Variants in HSDL1 observed in about 807,000 individuals in gnomAD.
HSDL1 encodes inactive hydroxysteroid dehydrogenase-like protein 1.
Under a neutral mutation model 31.5 loss-of-function variants are expected in HSDL1, and 29 were observed. That is an observed-to-expected ratio of 0.92 (90% CI 0.69 to 1.26). The LOEUF is 1.26. Ranked by LOEUF, HSDL1 falls within the 50% of genes most tolerant of loss-of-function variation. The pLI, the probability that HSDL1 is intolerant of heterozygous loss-of-function variation, is 0.00. For synonymous variants in HSDL1, 222 were observed against 155.2 expected (o/e 1.43, Z -3.20); for missense variants, 503 against 416.6 (o/e 1.21, Z -1.81).
intron 1 of HSDL1, among the ~76,000 whole-genome samples, chr16:84,141,046 G>A (rs374922662): frequency 3.1e-3 from 456 of 149,378 alleles, no homozygotes; most frequent in African/African-American, 0.011. Flanking sequence ...AGCGGAGATC[G>A]CGCCACAGCA....
chr16:84,140,367 C>T (rs1159361353), intron 1 of HSDL1, among the ~76,000 whole-genome samples: 1 of 152,100 alleles, frequency 6.6e-6, no homozygotes, highest in Non-Finnish European at 1.5e-5. Flanking sequence ...TGGGTTCAAG[C>T]GTTTCTCCTG....
intron 2 of HSDL1, among the ~76,000 whole-genome samples, chr16:84,131,586 C>A (rs1393570716): frequency 6.6e-6 from 1 of 152,174 alleles, no homozygotes. Flanking sequence ...GCGATTTTGG[C>A]TCACTGCAAC....
intron 1 of HSDL1, among the ~76,000 whole-genome samples, chr16:84,141,572 C>T (rs1039276613): frequency 2.6e-5 from 4 of 152,350 alleles, no homozygotes; most frequent in African/African-American, 9.6e-5. Context: ...ACATGCATTC[C>T]ACTGCCAAAT....
Position 84,129,650 on chromosome 16 carries a change from C to T in HSDL1, c.792G>A (p.Arg264=). The T allele has an allele frequency of 6.2e-7, 1 of 1,614,172 alleles. No homozygotes were observed. Among genetic ancestry groups the T allele is most frequent in the Non-Finnish European group, 8.5e-7 (1 of 1,180,040 alleles). Residue 264 remains arginine, a synonymous_variant, in exon 5 of 6, where the codon AGG becomes AGA. Coordinates refer to ENST00000219439, the MANE Select transcript of HSDL1 (RefSeq NM_031463.5). ...SMTAPSNFLH[R]CSWLVPSPKV... is the part of the protein sequence containing the mutation. ...TTGGCGAAGGCACCAACCACGAGCA[C>T]CTGTGCAGAAAGTTGCTGGGTGCTG...
chr16:84,124,525 A>G lies in HSDL1; in HGVS notation c.*105T>C. 1.3e-6 allele frequency: 1 copy of G among 741,168 alleles called. No individual in the cohort carries two copies. The highest frequency in any genetic ancestry group is 1.5e-5 in the South Asian group (1 of 65,724). 45.9% of individuals were successfully genotyped at this position (741,168 alleles called of 1,614,324 possible). Reference sequence around the variant, plus strand: ...AAATGACGAATCAACAGTATGCTGAATAATCAGCAATGAAACACAGGAGAT... The same window carrying G: ...AAATGACGAATCAACAGTATGCTGAGTAATCAGCAATGAAACACAGGAGAT... On this transcript the variant is annotated 3_prime_UTR_variant, in exon 6 of 6. Transcript: ENST00000219439.
At chr16:84,142,474 C>G (rs924568534) in intron 1 of HSDL1, among the ~76,000 whole-genome samples, 23 of 106,186 alleles carry the variant, frequency 2.2e-4, no homozygotes, top group African/African-American at 6.6e-4. Flanking sequence ...CTCACTCTGT[C>G]ACCCAGGCTG....
intron 2 of HSDL1, among the ~76,000 whole-genome samples, chr16:84,132,569 T>C (rs1487120435): frequency 6.6e-6 from 1 of 152,208 alleles, no homozygotes; most frequent in Non-Finnish European, 1.5e-5. Context: ...ACTAAGCACC[T>C]ACTATGTTCT....
chr16:84,131,418 C>T, intron 2 of HSDL1, 91 bp from the exon 3 acceptor site: 2 of 850,658 alleles, frequency 2.4e-6, no homozygotes, highest in South Asian at 2.9e-5. Flanking sequence ...CTGAGGGCAT[C>T]AGATCTTGTC....
intron 1 of HSDL1, among the ~76,000 whole-genome samples, chr16:84,136,225 C>CT: frequency 6.6e-6 from 1 of 152,180 alleles, no homozygotes; most frequent in Non-Finnish European, 1.5e-5. Flanking sequence ...GGAAGGCGTC[C>CT]TACAGTGTTT....
intron 5 of HSDL1, among the ~76,000 whole-genome samples, chr16:84,128,907 C>T (rs532720346): frequency 1.3e-5 from 2 of 152,046 alleles, no homozygotes; most frequent in Non-Finnish European, 2.9e-5. Flanking sequence ...AGGGTTTCAC[C>T]ATATTGGCCA....
rs745934319 is a variant in HSDL1 at position 84,129,938 on chromosome 16, A to C, written c.666+48T>G. The stretch of plus-strand genomic sequence containing the variant: ...AAATCAGACCAAACAACTGTTAATA[A>C]ATGTTCTGTGGCATTAGGATTTCAT... On this transcript the variant is annotated intron_variant, in intron 4 of 5. Coordinates refer to ENST00000219439, the MANE Select transcript of HSDL1 (RefSeq NM_031463.5). The C allele has an allele frequency of 1.2e-5, 19 of 1,564,556 alleles. No individual in the cohort carries two copies. The African/African-American group carries it at 1.6e-4, about 13-fold the overall frequency.
intron 1 of HSDL1, chr16:84,139,128 ACAAT>A (rs2086740811): frequency 6.6e-6 from 1 of 152,336 alleles, no homozygotes; most frequent in Non-Finnish European, 1.5e-5. Flanking sequence ...GGAAAAAAAG[ACAAT>A]CAAAGCATTA....
At chr16:84,130,574 C>T in intron 3 of HSDL1, 143 bp from the exon 4 acceptor site, 1 of 663,950 alleles carries the variant, frequency 1.5e-6, no homozygotes, top group Non-Finnish European at 2.6e-6. Flanking sequence ...AAGTCAAGGA[C>T]ACTGTTGCTG....
Position 84,130,015 on chromosome 16 carries a change from G to A in HSDL1, c.637C>T (p.Pro213Ser), listed in dbSNP as rs140957161. ...ISSGSCCKPT[P>S]QLAAFSASKA... ...GAAGCAGAAAATGCAGCCAGCTGAG[G>A]AGTGGGTTTGCAGCAGGAGCCAGAA... Residue 213 changes from proline (P) to serine (S), a missense_variant, in exon 4 of 6, where the codon CCT (proline) becomes TCT (serine). Transcript: ENST00000219439. 1 of 1,614,050 alleles carries A rather than the reference G, an allele frequency of 6.2e-7. No individual in the cohort carries two copies. Among genetic ancestry groups the A allele is most frequent in the Non-Finnish European group, 8.5e-7 (1 of 1,179,934 alleles).
chr16:84,126,576 A>T (rs889287667), intron 5 of HSDL1, among the ~76,000 whole-genome samples: 1 of 152,234 alleles, frequency 6.6e-6, no homozygotes, highest in African/African-American at 2.4e-5. Context: ...GAACCGAATG[A>T]AAGTTCTAAC....
At chr16:84,134,278 T>C (rs1404469999) in intron 2 of HSDL1, among the ~76,000 whole-genome samples, 1 of 152,170 alleles carries the variant, frequency 6.6e-6, no homozygotes, top group South Asian at 2.1e-4. Context: ...TCATAAGTAC[T>C]GGACTCCCAA....
rs888121146 is a variant in HSDL1 at position 84,122,791 on chromosome 16, G to T, written c.*1839C>A. The T allele has an allele frequency of 6.6e-6, 1 of 152,174 alleles. No homozygotes were observed. Among genetic ancestry groups the T allele is most frequent in the Non-Finnish European group, 1.5e-5 (1 of 68,046 alleles). 9.4% of individuals were successfully genotyped at this position (152,174 alleles called of 1,614,324 possible). ...GCTCTTCATCTTTCACTGCAGCTAT[G>T]GACAGCTCGGCACCACATTTGCACC... On this transcript the variant is annotated 3_prime_UTR_variant, in exon 6 of 6. Transcript: ENST00000219439.
chr16:84,138,714 C>A (rs1168724583), intron 1 of HSDL1, among the ~76,000 whole-genome samples: 2 of 152,220 alleles, frequency 1.3e-5, no homozygotes, highest in African/African-American at 4.8e-5. Context: ...AAAACCACAA[C>A]TGTCCCCAAA....
intron 5 of HSDL1, 85 bp downstream of exon 5, chr16:84,129,463 T>C (rs2086639992): frequency 2.0e-6 from 2 of 983,166 alleles, no homozygotes; most frequent in Non-Finnish European, 3.1e-6. Flanking sequence ...AATTCTCATC[T>C]TAGGCTTTAA....
Sources: allele counts gnomAD v4.1 joint callset (sites outside exome capture counted in the v4.1 genomes callset), GRCh38; gene constraint gnomAD v4.1.1; transcripts MANE v1.5; gene names NCBI Gene and HGNC (gene_info 2026-07-23, HGNC 2026-07-21).